The following PTPN22 variants were observed in gnomAD, a reference collection of about 807,000 sequenced individuals.
PTPN22 encodes protein tyrosine phosphatase non-receptor type 22.
In PTPN22, 85 loss-of-function variants were observed where a neutral mutation model predicts 103.3. The observed-to-expected ratio is 0.82, with a 90% CI of 0.69 to 0.99. PTPN22 has a LOEUF of 0.99. Among genes scored for constraint, PTPN22 ranks in the 50% least tolerant of loss-of-function variants. The pLI, the probability that PTPN22 is intolerant of heterozygous loss-of-function variation, is 0.00. For synonymous variants in PTPN22, 323 were observed against 310.2 expected (o/e 1.04, Z -0.43); for missense variants, 865 against 936.9 (o/e 0.92, Z 1.00).
intron 11 of PTPN22, among the ~76,000 whole-genome samples, chr1:113,846,926 T>C (rs1305266124): frequency 3.9e-5 from 6 of 152,002 alleles, no homozygotes; most frequent in African/African-American, 1.4e-4. Flanking sequence ...TTATGATGTA[T>C]CTTCCAGTAC....
At chr1:113,832,769 A>G (rs1662656736) in intron 16 of PTPN22, among the ~76,000 whole-genome samples, 1 of 152,240 alleles carries the variant, frequency 6.6e-6, no homozygotes, top group African/African-American at 2.4e-5. Flanking sequence ...GGCAACAGCA[A>G]ATTAAAGAAT....
chr1:113,853,432 C>T (rs1406406824), intron 9 of PTPN22, among the ~76,000 whole-genome samples: 1 of 146,984 alleles, frequency 6.8e-6, no homozygotes, highest in Admixed American at 6.9e-5. Flanking sequence ...CTCACTGCAA[C>T]CTCCACCTCC....
intron 18 of PTPN22, 61 bp downstream of exon 18, chr1:113,829,531 G>T: frequency 1.2e-6 from 1 of 842,578 alleles, no homozygotes; most frequent in East Asian, 2.6e-5. Context: ...TGCTGGGGAG[G>T]GGGAAACTTT....
At chr1:113,820,871 G>A (rs936057859) in intron 19 of PTPN22, among the ~76,000 whole-genome samples, 3 of 151,882 alleles carry the variant, frequency 2.0e-5, no homozygotes, top group Non-Finnish European at 4.4e-5. Context: ...CTTCCTTTTC[G>A]AGGAGGTACC....
intron 1 of PTPN22, among the ~76,000 whole-genome samples, chr1:113,866,495 G>C (rs1207272419): frequency 6.6e-6 from 1 of 151,270 alleles, no homozygotes; most frequent in Non-Finnish European, 1.5e-5. Context: ...TGGTGACAGA[G>C]TGAGACTCCA....
At chr1:113,839,709 G>A (rs1663354404) in intron 11 of PTPN22, among the ~76,000 whole-genome samples, 1 of 151,906 alleles carries the variant, frequency 6.6e-6, no homozygotes, top group South Asian at 2.1e-4. Context: ...GGAATATAAG[G>A]AAATGTTCTC....
intron 6 of PTPN22, 31 bp downstream of exon 6, chr1:113,856,512 GCTTTA>G (rs564902484): frequency 1.8e-4 from 287 of 1,614,102 alleles, no homozygotes; most frequent in Admixed American, 9.8e-4. Context: ...GACCCTGGAG[GCTTTA>G]CTCAGACATG....
At chr1:113,825,100 A>G (rs1344479701) in intron 19 of PTPN22, 42 bp downstream of exon 19, 1 of 1,378,068 alleles carries the variant, frequency 7.3e-7, no homozygotes, top group South Asian at 1.3e-5. Context: ...AAAAATTACA[A>G]AATTGAGAAA....
At chr1:113,838,896 G>A (rs889888137) in intron 11 of PTPN22, among the ~76,000 whole-genome samples, 8 of 152,014 alleles carry the variant, frequency 5.3e-5, no homozygotes, top group African/African-American at 1.9e-4. Flanking sequence ...ATGTTCTTTG[G>A]TGGGTAACTT....
At chr1:113,853,859 CTTTTTTTTTT>C (rs894010114) in intron 9 of PTPN22, among the ~76,000 whole-genome samples, 3 of 67,152 alleles carry the variant, frequency 4.5e-5, no homozygotes, top group Admixed American at 2.2e-4. Context: ...TTTTTTTTTG[CTTTTTTTTTT>C]TTTTTTTTTT....
rs1158024315 is a variant in PTPN22 at position 113,842,442 on chromosome 1, G to A, written c.916-3822C>T. On this transcript the variant is annotated intron_variant, in intron 11 of 20. Coordinates refer to ENST00000359785, the Ensembl canonical transcript of PTPN22. ...TGTAATCCCAGCACTTTGGGAGGCC[G>A]AGGCCGGCGGATCACGAAGTCAAGA... Among the ~76,000 whole-genome samples the A allele has an allele frequency of 3.3e-5, 5 of 152,224 alleles. No homozygotes were observed. The East Asian group carries it at 5.8e-4, about 18-fold the overall frequency.
chr1:113,827,908 C>CA (rs1174637450), intron 18 of PTPN22, among the ~76,000 whole-genome samples: 5 of 152,168 alleles, frequency 3.3e-5, no homozygotes, highest in African/African-American at 4.8e-5. Context: ...GCCTCCCTAA[C>CA]AGAGAGTGTA....
rs1025603948 is a variant in PTPN22, at chr1:113,826,708, C to T, written c.2251-1536G>A. Among the ~76,000 whole-genome samples the T allele has an allele frequency of 2.1e-3, 242 of 116,610 alleles. 1 individual carries two copies. Among genetic ancestry groups the T allele is most frequent in the African/African-American group, 5.5e-3 (161 of 29,444 alleles). The allele number at this position is 116,610 out of a possible 152,430, so 76.5% of individuals were successfully genotyped here. A position where few individuals can be genotyped will look rare whatever the true frequency, so the allele number is the denominator to read the frequency against. ...TTTTTGAGACGGAGTCTCGCTCTGTCGCCCAGGCTGGAGTGCAGTGGCGGG... is the reference window on the plus strand; with the variant it reads ...TTTTTGAGACGGAGTCTCGCTCTGTTGCCCAGGCTGGAGTGCAGTGGCGGG... On this transcript the variant is annotated intron_variant, in intron 18 of 20. Coordinates refer to ENST00000359785, the Ensembl canonical transcript of PTPN22.
intron 2 of PTPN22, 134 bp downstream of exon 2, chr1:113,859,217 TG>T: frequency 6.5e-7 from 1 of 1,549,112 alleles, no homozygotes; most frequent in Non-Finnish European, 8.7e-7. Context: ...AATATTCTTT[TG>T]CAGTCATAAA....
intron 19 of PTPN22, among the ~76,000 whole-genome samples, chr1:113,824,633 T>C (rs1050088331): frequency 6.6e-6 from 1 of 152,110 alleles, no homozygotes; most frequent in Non-Finnish European, 1.5e-5. Context: ...TCAAAGAAAA[T>C]ACATCTGAGG....
intron 11 of PTPN22, among the ~76,000 whole-genome samples, chr1:113,846,360 G>C (rs2102024070): frequency 6.6e-6 from 1 of 152,044 alleles, no homozygotes; most frequent in South Asian, 2.1e-4. Flanking sequence ...CACTCTACTG[G>C]TGTTATCATT....
chr1:113,841,715 G>T (rs1187223261), intron 11 of PTPN22, among the ~76,000 whole-genome samples: 2 of 151,204 alleles, frequency 1.3e-5, no homozygotes, highest in Non-Finnish European at 2.9e-5. Flanking sequence ...CAATTCTCCT[G>T]CATTAGCCTC....
intron 17 of PTPN22, 30 bp from the exon 18 acceptor site, chr1:113,829,737 T>C: frequency 7.1e-7 from 1 of 1,400,820 alleles, no homozygotes; most frequent in Non-Finnish European, 9.9e-7. Context: ...AAAAACATGT[T>C]CCATTGCATA....
rs1036795955 is a variant in PTPN22 at position 113,859,259 on chromosome 1, C to G, written c.196+93G>C. The stretch of plus-strand genomic sequence containing the variant: ...CAAACTAAGTTGTCAATGCCATGTT[C>G]CAAGATCAGGATCAGTAAGCAATGG... On this transcript the variant is annotated intron_variant, in intron 2 of 20. Coordinates refer to ENST00000359785, the Ensembl canonical transcript of PTPN22. 1.3e-5 allele frequency: 20 copies of G among 1,536,440 alleles called. No individual in the cohort carries two copies. The African/African-American group carries it at 2.3e-4, about 18-fold the overall frequency.
Sources: gnomAD v4.1 joint callset for allele counts (sites outside exome capture counted in the v4.1 genomes callset) on GRCh38, gnomAD v4.1.1 for gene constraint, MANE v1.5 for transcripts, NCBI Gene and HGNC (gene_info 2026-07-23, HGNC 2026-07-21) for gene names.